NDE1: variants seen among roughly 807,000 people sequenced by gnomAD.
NDE1 encodes nudE neurodevelopment protein 1, also known as nuclear distribution protein nudE homolog 1.
Under a neutral mutation model 43.4 loss-of-function variants are expected in NDE1, and 28 were observed. The ratio of observed to expected loss-of-function variants is 0.65; its 90% CI spans 0.48 to 0.89. The LOEUF (loss-of-function observed/expected upper bound fraction) is 0.89, where lower values mean the gene tolerates loss of function less well. Among genes scored for constraint, NDE1 ranks in the 40% least tolerant of loss-of-function variants. NDE1 has a pLI of 0.00. For synonymous variants in NDE1, 184 were observed against 172.0 expected, an observed-to-expected ratio of 1.07 and a Z score of -0.55; for missense variants, 441 against 434.1, an observed-to-expected ratio of 1.02 and a Z score of -0.14.
At chr16:15,667,087 A>G (rs1173637101) in intron 2 of NDE1, among the ~76,000 whole-genome samples, 199 bp from the exon 3 acceptor site, 2 of 152,088 alleles carry the variant, frequency 1.3e-5, no homozygotes. Flanking sequence ...CACTACTAAA[A>G]ATACAAAAAT....
chr16:15,682,067 C>T (rs949062599), intron 4 of NDE1, among the ~76,000 whole-genome samples: 20 of 152,076 alleles, frequency 1.3e-4, no homozygotes, highest in African/African-American at 4.8e-4. Flanking sequence ...TATTTTTGTA[C>T]TAAACGTGCA....
chr16:15,672,119 CTCAG>C (rs956766711), intron 3 of NDE1, among the ~76,000 whole-genome samples: 2 of 152,006 alleles, frequency 1.3e-5, no homozygotes, highest in African/African-American at 4.8e-5. Context: ...AAGAGAATTA[CTCAG>C]TAATTCTCTG....
At chr16:15,650,493 C>T (rs1251083434) in intron 1 of NDE1, among the ~76,000 whole-genome samples, 199 bp downstream of exon 1, 2 of 152,266 alleles carry the variant, frequency 1.3e-5, no homozygotes, top group East Asian at 3.8e-4. Flanking sequence ...ATCCCGCCTC[C>T]CTGGAGCCTC....
intron 8 of NDE1, among the ~76,000 whole-genome samples, chr16:15,707,974 AAAAAAG>A (rs1567673454): frequency 1.3e-5 from 2 of 151,448 alleles, no homozygotes; most frequent in African/African-American, 2.4e-5. Flanking sequence ...AAAAAAAAAA[AAAAAAG>A]CAAAATCCCA....
chr16:15,705,220 G>A (rs2039382149), intron 8 of NDE1, among the ~76,000 whole-genome samples: 1 of 152,136 alleles, frequency 6.6e-6, no homozygotes, highest in Non-Finnish European at 1.5e-5. Flanking sequence ...GGCCTCAAAC[G>A]ATCCACCTGT....
At chr16:15,696,594 C>T (rs2039024838) in intron 7 of NDE1, 115 bp from the exon 8 acceptor site, 2 of 1,579,388 alleles carry the variant, frequency 1.3e-6, no homozygotes, top group Non-Finnish European at 1.7e-6. Flanking sequence ...CCTTGGAATT[C>T]CAGTGCACAA....
intron 3 of NDE1, among the ~76,000 whole-genome samples, chr16:15,669,232 T>G (rs1412497690): frequency 6.6e-6 from 1 of 151,420 alleles, no homozygotes; most frequent in Admixed American, 6.6e-5. Flanking sequence ...CTTGCTCTGT[T>G]GCCCAGGCTG....
chr16:15,722,889 G>A (rs1483516643), intron 8 of NDE1, among the ~76,000 whole-genome samples: 3 of 152,224 alleles, frequency 2.0e-5, no homozygotes, highest in East Asian at 3.9e-4. Context: ...GATTACAGGC[G>A]TGCGCCACCA....
At chr16:15,670,423 C>T (rs879368023) in intron 3 of NDE1, among the ~76,000 whole-genome samples, 2 of 151,996 alleles carry the variant, frequency 1.3e-5, no homozygotes, top group Admixed American at 6.6e-5. Flanking sequence ...TTCAGGAGGC[C>T]GAGGTGGGCA....
intron 4 of NDE1, among the ~76,000 whole-genome samples, chr16:15,679,314 T>C (rs1006717759): frequency 2.6e-5 from 4 of 152,112 alleles, no homozygotes; most frequent in Non-Finnish European, 5.9e-5. Flanking sequence ...GAGTTTTTTT[T>C]CTGCCTCATT....
At chr16:15,701,081 C>T (rs1175440036) in intron 8 of NDE1, among the ~76,000 whole-genome samples, 1 of 151,852 alleles carries the variant, frequency 6.6e-6, no homozygotes. Flanking sequence ...ACTAAAAATA[C>T]AAAAAATTAG....
At chr16:15,675,459 C>G (rs571839317) in intron 3 of NDE1, among the ~76,000 whole-genome samples, 1 of 145,126 alleles carries the variant, frequency 6.9e-6, no homozygotes, top group South Asian at 2.1e-4. Context: ...TTTTAAGTGT[C>G]GTGGTCTCAC....
intron 8 of NDE1, among the ~76,000 whole-genome samples, chr16:15,710,269 C>A (rs980825026): frequency 6.6e-6 from 1 of 152,010 alleles, no homozygotes; most frequent in South Asian, 2.1e-4. Context: ...ACGCCTGTAA[C>A]CCCAGCACTT....
Position 15,720,830 on chromosome 16 carries a change from A to G in NDE1, c.948-3361A>G, listed in dbSNP as rs764276381. 6.8e-6 allele frequency: 11 copies of G among 1,613,008 alleles called. No homozygotes were observed. The highest frequency in any genetic ancestry group is 1.8e-4 in the Middle Eastern group (1 of 5,428). ...ACCTCCCTCTGCTGGCCTCCCCGGC[A>G]GCACGCACCTGTCTCTGCAGTTGCC... On this transcript the variant is annotated intron_variant, in intron 8 of 8. Coordinates refer to ENST00000396354, the MANE Select transcript of NDE1 (RefSeq NM_017668.3).
upstream of NDE1, among the ~76,000 whole-genome samples, chr16:15,650,051 A>AC (rs1239579380): frequency 6.6e-6 from 1 of 151,138 alleles, no homozygotes; most frequent in Non-Finnish European, 1.5e-5. Context: ...CGCCTCTCAA[A>AC]CCCCCTCCGG....
intron 8 of NDE1, chr16:15,718,796 C>CCAATCT (rs1410502873): frequency 1.2e-5 from 5 of 424,610 alleles, no homozygotes; most frequent in African/African-American, 1.0e-4. Flanking sequence ...GGGTCTGTCC[C>CCAATCT]CAATCTCAGA....
At chr16:15,715,763 C>T (rs1053485666) in intron 8 of NDE1, among the ~76,000 whole-genome samples, 7 of 152,320 alleles carry the variant, frequency 4.6e-5, no homozygotes, top group East Asian at 1.9e-4. Flanking sequence ...CCTCCCACCT[C>T]AGCCTCCCAA....
At chr16:15,696,172 T>C (rs1207849687) in intron 7 of NDE1, among the ~76,000 whole-genome samples, 1 of 148,030 alleles carries the variant, frequency 6.8e-6, no homozygotes, top group East Asian at 2.0e-4. Context: ...TCCCAAACAT[T>C]TTAAAAAATT....
chr16:15,683,073 C>T (rs2038264964), intron 4 of NDE1, among the ~76,000 whole-genome samples: 1 of 151,916 alleles, frequency 6.6e-6, no homozygotes, highest in African/African-American at 2.4e-5. Context: ...TCTCAAACTC[C>T]TGGATTCAAA....
Sources: allele counts gnomAD v4.1 joint callset (sites outside exome capture counted in the v4.1 genomes callset), GRCh38; gene constraint gnomAD v4.1.1; transcripts MANE v1.5; gene names NCBI Gene and HGNC (gene_info 2026-07-23, HGNC 2026-07-21).